AKAP13: variants seen among roughly 807,000 people sequenced by gnomAD.
AKAP13 encodes the protein A-kinase anchor protein 13.
Under a neutral mutation model 264.5 loss-of-function variants are expected in AKAP13, and 80 were observed. That is an observed-to-expected ratio of 0.30 (90% CI 0.25 to 0.36). The LOEUF (loss-of-function observed/expected upper bound fraction) is 0.36, where lower values mean the gene tolerates loss of function less well. AKAP13 is among the 10% of genes least tolerant of loss of function. AKAP13 has a pLI of 1.00. For missense variants in AKAP13, 3,712 were observed against 3,435.2 expected, an observed-to-expected ratio of 1.08 and a Z score of -2.01; for synonymous variants, 1,380 against 1,250.2, an observed-to-expected ratio of 1.10 and a Z score of -2.19.
At chr15:85,454,212 A>G (rs986452406) in intron 1 of AKAP13, among the ~76,000 whole-genome samples, 4 of 152,138 alleles carry the variant, frequency 2.6e-5, no homozygotes, top group East Asian at 1.9e-4. Flanking sequence ...AGGTACAGCT[A>G]CTTTTGCCAG....
At chr15:85,425,112 GA>G (rs1342946284) in intron 1 of AKAP13, among the ~76,000 whole-genome samples, 4 of 152,336 alleles carry the variant, frequency 2.6e-5, no homozygotes, top group African/African-American at 7.2e-5. Flanking sequence ...ACAGAGGCAT[GA>G]AGTGAGCCAC....
chr15:85,738,550 A>G (rs1388231968), intron 33 of AKAP13, among the ~76,000 whole-genome samples: 2 of 152,116 alleles, frequency 1.3e-5, no homozygotes, highest in Non-Finnish European at 2.9e-5. Context: ...TAATCCCACC[A>G]CTGAAAAATA....
At chr15:85,685,989 C>G (rs1423794417) in intron 16 of AKAP13, among the ~76,000 whole-genome samples, 3 of 152,116 alleles carry the variant, frequency 2.0e-5, no homozygotes, top group Non-Finnish European at 4.4e-5. Context: ...TATACTGATT[C>G]CCAGTGCTAA....
At chr15:85,413,080 GAA>G (rs1229822520) in intron 1 of AKAP13, among the ~76,000 whole-genome samples, 1 of 152,226 alleles carries the variant, frequency 6.6e-6, no homozygotes, top group Non-Finnish European at 1.5e-5. Context: ...CTGCCTCACA[GAA>G]AAGTTTGTAA....
intron 2 of AKAP13, among the ~76,000 whole-genome samples, chr15:85,506,051 T>C (rs941998697): frequency 6.6e-6 from 1 of 152,160 alleles, no homozygotes. Flanking sequence ...CCCAGGACTT[T>C]GGGAGACCGA....
chr15:85,737,223 T>C (rs1045691410), intron 33 of AKAP13, among the ~76,000 whole-genome samples: 2 of 151,368 alleles, frequency 1.3e-5, no homozygotes, highest in Admixed American at 6.6e-5. Flanking sequence ...CCCAGCCATA[T>C]CTTCTTCTTT....
intron 16 of AKAP13, among the ~76,000 whole-genome samples, chr15:85,688,025 G>GA (rs1222127011): frequency 1.5e-4 from 15 of 102,930 alleles, no homozygotes; most frequent in Admixed American, 5.0e-4. Flanking sequence ...GCAAGACCCT[G>GA]TCTCTTAAAA....
At chr15:85,559,702 T>C (rs772953784) in intron 5 of AKAP13, among the ~76,000 whole-genome samples, 1 of 129,438 alleles carries the variant, frequency 7.7e-6, no homozygotes, top group South Asian at 3.3e-4. Context: ...AGTGCCACCG[T>C]TGATCCGACA....
intron 8 of AKAP13, among the ~76,000 whole-genome samples, chr15:85,628,585 C>T (rs1401358490): frequency 6.6e-6 from 1 of 152,142 alleles, no homozygotes; most frequent in Admixed American, 6.5e-5. Flanking sequence ...CAGTGAGCCT[C>T]CTCAGGACAT....
At chr15:85,538,536 C>T (rs1163739323) in intron 4 of AKAP13, among the ~76,000 whole-genome samples, 1 of 148,964 alleles carries the variant, frequency 6.7e-6, no homozygotes, top group Non-Finnish European at 1.5e-5. Flanking sequence ...GTCGCCCAGG[C>T]TGGAGTGCAG....
intron 31 of AKAP13, 121 bp from the exon 32 acceptor site, chr15:85,735,439 T>C: frequency 9.5e-7 from 1 of 1,053,918 alleles, no homozygotes. Context: ...CAGCTCCCCC[T>C]TTTTGGGGGC....
chr15:85,411,868 T>C (rs555918675), intron 1 of AKAP13, among the ~76,000 whole-genome samples: 2 of 152,324 alleles, frequency 1.3e-5, no homozygotes, highest in East Asian at 1.9e-4. Context: ...TTCAAGGAAG[T>C]AGTGGAGTCT....
chr15:85,459,347 G>A (rs1224134092), intron 1 of AKAP13, among the ~76,000 whole-genome samples: 1 of 147,762 alleles, frequency 6.8e-6, no homozygotes, highest in African/African-American at 2.5e-5. Context: ...CACCACGCCC[G>A]GCTAATTTTT....
At chr15:85,558,872 AC>A in intron 5 of AKAP13, among the ~76,000 whole-genome samples, 1 of 152,048 alleles carries the variant, frequency 6.6e-6, no homozygotes, top group African/African-American at 2.4e-5. Flanking sequence ...TTTTTGCCCC[AC>A]GAGAAAGCTA....
chr15:85,439,093 A>C (rs1324868426), intron 1 of AKAP13, among the ~76,000 whole-genome samples: 10 of 152,062 alleles, frequency 6.6e-5, no homozygotes, highest in Middle Eastern at 6.8e-3. Context: ...AATATCCAGA[A>C]TCTACAATGA....
chr15:85,697,533 C>A (rs2085635525), intron 17 of AKAP13, among the ~76,000 whole-genome samples: 1 of 152,162 alleles, frequency 6.6e-6, no homozygotes, highest in Non-Finnish European at 1.5e-5. Context: ...CGCGCCACTG[C>A]ACTCCAGTCT....
rs774811590 is a variant in AKAP13, at chr15:85,655,756, G to T, written c.4714G>T (p.Ala1572Ser). Residue 1572 changes from alanine (A) to serine (S), a missense_variant, in exon 11 of 37, where the codon GCA becomes TCA. Transcript: ENST00000394518. The part of the protein sequence containing the change: ...RRHSWGPGKN[A>S]ASDAEMNHRS... Reference sequence around the variant, plus strand: ...GCACAGCTGGGGGCCTGGGAAAAATGCAGCCAGCGATGCAGAAATGAACCA... The same window carrying T: ...GCACAGCTGGGGGCCTGGGAAAAATTCAGCCAGCGATGCAGAAATGAACCA... 2.5e-6 allele frequency: 4 copies of T among 1,611,402 alleles called. No individual in the cohort carries two copies. The highest frequency in any genetic ancestry group is 4.5e-5 in the East Asian group (2 of 44,796).
At chr15:85,630,234 A>AACTCACACACACACAC (rs2081681549) in intron 8 of AKAP13, among the ~76,000 whole-genome samples, 1 of 119,064 alleles carries the variant, frequency 8.4e-6, no homozygotes, top group Non-Finnish European at 1.7e-5. Context: ...GGAAAATTGT[A>AACTCACACACACACAC]ACACACACAC....
At chr15:85,735,945 A>G in intron 32 of AKAP13, 145 bp from the exon 33 acceptor site, 1 of 753,508 alleles carries the variant, frequency 1.3e-6, no homozygotes, top group Admixed American at 2.6e-5. Context: ...ATCAGTGATA[A>G]ATAGTTCAAC....
Sources: allele counts gnomAD v4.1 joint callset (sites outside exome capture counted in the v4.1 genomes callset), GRCh38; gene constraint gnomAD v4.1.1; transcripts MANE v1.5; gene names NCBI Gene and HGNC (gene_info 2026-07-23, HGNC 2026-07-21).